The following RUNX1 variants were observed in gnomAD, a reference collection of about 807,000 sequenced individuals.
RUNX1 encodes RUNX family transcription factor 1.
Under a neutral mutation model 42.8 loss-of-function variants are expected in RUNX1, and 19 were observed. That is an observed-to-expected ratio of 0.44 (90% CI 0.31 to 0.65). The LOEUF is 0.65. RUNX1 is among the 30% of genes least tolerant of loss of function. RUNX1 has a pLI of 0.07. For synonymous variants in RUNX1, 271 were observed against 289.4 expected, an observed-to-expected ratio of 0.94 and a Z score of 0.64; for missense variants, 528 against 672.0, an observed-to-expected ratio of 0.79 and a Z score of 2.37.
At chr21:34,904,579 T>C (rs1278184047) in intron 2 of RUNX1, among the ~76,000 whole-genome samples, 1 of 152,174 alleles carries the variant, frequency 6.6e-6, no homozygotes, top group East Asian at 1.9e-4. Flanking sequence ...CACTGACCAA[T>C]TAGTGCACTA....
At chr21:34,981,997 T>C (rs558906043) in intron 2 of RUNX1, among the ~76,000 whole-genome samples, 2 of 152,316 alleles carry the variant, frequency 1.3e-5, no homozygotes, top group East Asian at 3.9e-4. Flanking sequence ...TGCAGCTGGA[T>C]AGTGAGACAG....
At chr21:34,947,033 ACC>A (rs1487791078) in intron 2 of RUNX1, among the ~76,000 whole-genome samples, 1 of 151,978 alleles carries the variant, frequency 6.6e-6, no homozygotes, top group Non-Finnish European at 1.5e-5. Context: ...TCTTTCTTCA[ACC>A]CATAGTCATA....
At chr21:35,000,728 C>A (rs1351380149) in intron 2 of RUNX1, among the ~76,000 whole-genome samples, 1 of 152,138 alleles carries the variant, frequency 6.6e-6, no homozygotes, top group Non-Finnish European at 1.5e-5. Context: ...CTGGGAAATT[C>A]TTTGTTATCT....
intron 2 of RUNX1, among the ~76,000 whole-genome samples, chr21:34,898,270 C>T (rs2058145978): frequency 6.6e-6 from 1 of 152,168 alleles, no homozygotes; most frequent in Non-Finnish European, 1.5e-5. Context: ...GAATCTAGTA[C>T]AGCACCACCA....
At chr21:34,840,037 A>G (rs1366670832) in intron 6 of RUNX1, among the ~76,000 whole-genome samples, 3 of 152,162 alleles carry the variant, frequency 2.0e-5, no homozygotes, top group African/African-American at 7.2e-5. Context: ...TGCCCTGCAG[A>G]TAGGCCGGTG....
intron 7 of RUNX1, among the ~76,000 whole-genome samples, chr21:34,824,529 G>A (rs760866743): frequency 6.6e-5 from 10 of 152,104 alleles, no homozygotes; most frequent in Non-Finnish European, 4.4e-5. Context: ...TTTTGCAATC[G>A]GTATCTTTAA....
At chr21:34,926,158 T>C (rs1347381848) in intron 2 of RUNX1, among the ~76,000 whole-genome samples, 1 of 152,050 alleles carries the variant, frequency 6.6e-6, no homozygotes, top group Non-Finnish European at 1.5e-5. Flanking sequence ...AAGTATGTAT[T>C]TTAAAAATAC....
In RUNX1 at chr21:34,790,157, G is replaced by A. The variant is rs2056416506; in HGVS notation, c.*1978C>T. 1 of 233,018 alleles carries A rather than the reference G, an allele frequency of 4.3e-6. No individual in the cohort carries two copies. Among genetic ancestry groups the A allele is most frequent in the African/African-American group, 2.2e-5 (1 of 45,310 alleles). 14.4% of individuals were successfully genotyped at this position (233,018 alleles called of 1,614,324 possible). ...GCTCTTCTCTAGATAAGAACGACCT[G>A]ACAACATAAGCTGCTTTACTCTTTA... On this transcript the variant is annotated 3_prime_UTR_variant, in exon 9 of 9. Transcript: ENST00000675419.
chr21:34,860,534 T>C (rs555719800), intron 5 of RUNX1, among the ~76,000 whole-genome samples: 2 of 151,790 alleles, frequency 1.3e-5, no homozygotes, highest in South Asian at 2.1e-4. Flanking sequence ...TCTGTGCGTG[T>C]GTGTGTGTGT....
chr21:34,985,068 G>T lies in RUNX1; in HGVS notation c.58+63774C>A, dbSNP rs180815101. On this transcript the variant is annotated intron_variant, in intron 2 of 8. Transcript: ENST00000675419. ...AGGATGAAAAAATTGTGTCAAAGTA[G>T]TTATGTGATTCCAATAATACTTAGA... is the stretch of plus-strand genomic sequence containing the variant. Among the ~76,000 whole-genome samples, 20 of 152,326 alleles carry T rather than the reference G, an allele frequency of 1.3e-4. No individual in the cohort carries two copies. In the East Asian group the frequency reaches 3.7e-3, roughly 28 times the overall value.
intron 6 of RUNX1, among the ~76,000 whole-genome samples, chr21:34,835,016 G>C (rs1482547922): frequency 6.6e-6 from 1 of 152,238 alleles, no homozygotes; most frequent in East Asian, 1.9e-4. Flanking sequence ...AGGGGCATCA[G>C]AACGGCTGTT....
chr21:34,888,692 A>C, intron 3 of RUNX1: 1 of 1,035,866 alleles, frequency 9.7e-7, no homozygotes, highest in Non-Finnish European at 1.2e-6. Flanking sequence ...GGCTCTATGA[A>C]TGAGAGTGCC....
intron 3 of RUNX1, among the ~76,000 whole-genome samples, chr21:34,891,950 T>C (rs568622196): frequency 1.1e-4 from 17 of 152,342 alleles, no homozygotes; most frequent in Admixed American, 5.9e-4. Flanking sequence ...TAAAGAACTA[T>C]AGGTGGTCTC....
rs980317172 is a variant in RUNX1, at chr21:34,901,845, T to C, written c.59-8882A>G. 1.3e-5 allele frequency among the ~76,000 whole-genome samples: 2 copies of C among 152,210 alleles called. No homozygotes were observed. The highest frequency in any genetic ancestry group is 4.8e-5 in the African/African-American group (2 of 41,462). ...GGAGGGGAGTTTAGGGACTTGTCCA[T>C]GGCTTTCAGTTCCCTAATTGGCGAA... On this transcript the variant is annotated intron_variant, in intron 2 of 8. Coordinates refer to ENST00000675419, the MANE Select transcript of RUNX1 (RefSeq NM_001754.5). The surrounding 1 kb of genome is among the most constrained non-coding windows in gnomAD (Gnocchi z 4.3).
intron 2 of RUNX1, among the ~76,000 whole-genome samples, chr21:34,998,820 C>T (rs898395949): frequency 2.6e-5 from 4 of 152,206 alleles, no homozygotes; most frequent in Admixed American, 6.5e-5. Context: ...GGATTACAGG[C>T]GTGAGCCACC....
At chr21:34,804,504 T>C (rs923513829) in intron 7 of RUNX1, among the ~76,000 whole-genome samples, 2 of 152,176 alleles carry the variant, frequency 1.3e-5, no homozygotes, top group Non-Finnish European at 2.9e-5. Flanking sequence ...GCTAAAGGCC[T>C]ACTAAGTTCC....
intron 4 of RUNX1, among the ~76,000 whole-genome samples, chr21:34,883,397 C>T (rs1437376590): frequency 3.9e-5 from 6 of 152,020 alleles, no homozygotes; most frequent in Non-Finnish European, 8.8e-5. Context: ...TACTGTATAT[C>T]GTCCAATTGT....
chr21:34,938,150 T>G (rs1569114522), intron 2 of RUNX1, among the ~76,000 whole-genome samples: 2 of 152,172 alleles, frequency 1.3e-5, no homozygotes, highest in African/African-American at 4.8e-5. Flanking sequence ...AAAGTTACCA[T>G]GAAGTGATTG....
intron 2 of RUNX1, among the ~76,000 whole-genome samples, chr21:35,019,322 C>A (rs1410730941): frequency 6.6e-6 from 1 of 152,174 alleles, no homozygotes; most frequent in Non-Finnish European, 1.5e-5. Flanking sequence ...TCTAGCCTTC[C>A]AGTCGTCTGA....
Sources: allele counts gnomAD v4.1 joint callset (sites outside exome capture counted in the v4.1 genomes callset), GRCh38; gene constraint gnomAD v4.1.1; non-coding constraint Gnocchi (gnomAD v3.1); transcripts MANE v1.5; gene names NCBI Gene and HGNC (gene_info 2026-07-23, HGNC 2026-07-21).